Variants in NALCN observed in about 807,000 individuals in gnomAD.
NALCN encodes sodium leak channel NALCN.
NALCN carries 111 observed loss-of-function variants against 225.3 expected under a neutral mutation model. That is an observed-to-expected ratio of 0.49 (90% CI 0.42 to 0.58). NALCN has a LOEUF of 0.58. NALCN is among the 20% of genes least tolerant of loss of function. The pLI is 0.00. For synonymous variants in NALCN, 764 were observed against 769.0 expected (o/e 0.99, Z 0.11); for missense variants, 1,378 against 2,202.4 (o/e 0.63, Z 7.49).
chr13:101,131,915 G>A (rs940067097), intron 17 of NALCN, among the ~76,000 whole-genome samples: 5 of 152,118 alleles, frequency 3.3e-5, no homozygotes, highest in East Asian at 1.9e-4. Flanking sequence ...GAATTTTAAA[G>A]TAGATTTATC....
intron 34 of NALCN, among the ~76,000 whole-genome samples, chr13:101,080,400 T>C (rs2033547899): frequency 1.3e-5 from 2 of 151,940 alleles, no homozygotes; most frequent in Middle Eastern, 6.9e-3. Context: ...ATCTCAATAA[T>C]TTTATATTGC....
intron 17 of NALCN, among the ~76,000 whole-genome samples, chr13:101,139,119 T>C (rs1396271015): frequency 6.6e-6 from 1 of 152,208 alleles, no homozygotes. Context: ...CTGGTTGTTT[T>C]CTGGGAGAAG....
chr13:101,125,695 C>T (rs547541668), intron 17 of NALCN, among the ~76,000 whole-genome samples: 28 of 152,246 alleles, frequency 1.8e-4, no homozygotes, highest in African/African-American at 5.5e-4. Flanking sequence ...GAGCTCTCTG[C>T]GGTGGAACAG....
chr13:101,146,898 G>A (rs1264243027), intron 15 of NALCN, among the ~76,000 whole-genome samples: 1 of 152,040 alleles, frequency 6.6e-6, no homozygotes, highest in Non-Finnish European at 1.5e-5. Context: ...GGAACAGAGT[G>A]CTCGGAAACA....
rs1010710353 is a variant in NALCN at position 101,083,273 on chromosome 13, A to G, written c.3584-75T>C. 1.0e-5 allele frequency: 13 copies of G among 1,243,776 alleles called. No individual in the cohort carries two copies. In the African/African-American group the frequency reaches 1.8e-4, roughly 17 times the overall value. The allele number at this position is 1,243,776 out of a possible 1,614,324, so 77.0% of individuals were successfully genotyped here. The stretch of plus-strand genomic sequence containing the variant: ...ACTTTCTTGTCGTTTATTTTCTTAA[A>G]TGCTTATCTTAAAACCCATTACATT... On this transcript the variant is annotated intron_variant, in intron 31 of 43. Transcript: ENST00000251127.
At chr13:101,168,652 A>T (rs1033920554) in intron 15 of NALCN, among the ~76,000 whole-genome samples, 3 of 152,144 alleles carry the variant, frequency 2.0e-5, no homozygotes, top group Non-Finnish European at 4.4e-5. Flanking sequence ...GGATTCTTCC[A>T]TCTCCAGTCT....
intron 7 of NALCN, among the ~76,000 whole-genome samples, chr13:101,323,758 A>G (rs1463739154): frequency 6.6e-6 from 1 of 152,242 alleles, no homozygotes; most frequent in African/African-American, 2.4e-5. Flanking sequence ...TGCATTCAGG[A>G]TAAGACAGGG....
chr13:101,382,773 A>T (rs911831985), intron 3 of NALCN, among the ~76,000 whole-genome samples: 2 of 152,198 alleles, frequency 1.3e-5, no homozygotes, highest in African/African-American at 4.8e-5. Context: ...TTTCTTTTCC[A>T]TAGGAAGTAA....
intron 43 of NALCN, chr13:101,056,952 G>A (rs2031339814): frequency 6.6e-6 from 1 of 152,144 alleles, no homozygotes; most frequent in Non-Finnish European, 1.5e-5. Flanking sequence ...TGAATCAGGA[G>A]GAACCTAGAT....
Position 101,366,110 on chromosome 13 carries a change from A to G in NALCN, c.644+10590T>C, listed in dbSNP as rs190877093. Among the ~76,000 whole-genome samples the G allele has an allele frequency of 1.6e-4, 25 of 152,222 alleles. No homozygotes were observed. The East Asian group carries it at 4.4e-3, about 27-fold the overall frequency. The stretch of plus-strand genomic sequence containing the variant: ...GCCATCACAGTTGGTATTTCACAAC[A>G]CCTGTTTCTGCTACAAGCCATTGCT... On this transcript the variant is annotated intron_variant, in intron 6 of 43. Transcript: ENST00000251127.
intron 12 of NALCN, 37 bp downstream of exon 12, chr13:101,237,718 T>A: frequency 2.1e-6 from 3 of 1,429,334 alleles, no homozygotes; most frequent in Non-Finnish European, 2.8e-6. Context: ...TGGAAATAAA[T>A]AAATTTCTAA....
chr13:101,123,481 G>A (rs2139695037), intron 18 of NALCN, among the ~76,000 whole-genome samples: 1 of 152,304 alleles, frequency 6.6e-6, no homozygotes, highest in Middle Eastern at 3.4e-3. Flanking sequence ...ATACCAGGAT[G>A]GAGTTACCAG....
At chr13:101,090,519 C>G (rs2034176510) in intron 28 of NALCN, among the ~76,000 whole-genome samples, 1 of 152,124 alleles carries the variant, frequency 6.6e-6, no homozygotes, top group African/African-American at 2.4e-5. Context: ...AGTAGTGATG[C>G]ATTTAGAGGT....
At chr13:101,306,654 C>T (rs2044162176) in intron 7 of NALCN, among the ~76,000 whole-genome samples, 1 of 152,222 alleles carries the variant, frequency 6.6e-6, no homozygotes, top group African/African-American at 2.4e-5. Flanking sequence ...AATATCATCA[C>T]ATTCATTAAA....
intron 13 of NALCN, among the ~76,000 whole-genome samples, chr13:101,213,333 C>G (rs1365440911): frequency 1.3e-5 from 2 of 152,108 alleles, no homozygotes; most frequent in Non-Finnish European, 1.5e-5. Context: ...AGACCTAAAA[C>G]CATAAAAACC....
Position 101,242,939 on chromosome 13 carries a change from T to G in NALCN, c.1267-5017A>C, listed in dbSNP as rs2041796469. 9.5e-5 allele frequency among the ~76,000 whole-genome samples: 10 copies of G among 105,296 alleles called. 3 individuals carry two copies. The highest frequency in any genetic ancestry group is 9.0e-4 in the Admixed American group (10 of 11,168). The allele number at this position is 105,296 out of a possible 152,430, so 69.1% of individuals were successfully genotyped here. On this transcript the variant is annotated intron_variant, in intron 11 of 43. Coordinates refer to ENST00000251127, the MANE Select transcript of NALCN (RefSeq NM_052867.4). ...CATCCATTGCACAATACATTTATTT[T>G]ACTTTTTCAGGTTTAGGTTCAGCCT...
intron 10 of NALCN, among the ~76,000 whole-genome samples, chr13:101,260,790 A>G (rs1412187482): frequency 3.3e-5 from 5 of 152,128 alleles, no homozygotes; most frequent in South Asian, 2.1e-4. Flanking sequence ...TCAGAGGGGT[A>G]GTTTGCAAAT....
At chr13:101,263,867 G>A (rs566867613) in intron 10 of NALCN, among the ~76,000 whole-genome samples, 9 of 152,334 alleles carry the variant, frequency 5.9e-5, no homozygotes, top group African/African-American at 2.2e-4. Flanking sequence ...GTTAGAGCTA[G>A]TGGCATGGCC....
At chr13:101,222,624 T>C (rs915082400) in intron 13 of NALCN, among the ~76,000 whole-genome samples, 2 of 152,182 alleles carry the variant, frequency 1.3e-5, no homozygotes, top group Non-Finnish European at 2.9e-5. Flanking sequence ...AGAAGAGTGA[T>C]AGAGGCTGCC....
Sources: allele counts gnomAD v4.1 joint callset (sites outside exome capture counted in the v4.1 genomes callset), GRCh38; gene constraint gnomAD v4.1.1; transcripts MANE v1.5; gene names NCBI Gene and HGNC (gene_info 2026-07-23, HGNC 2026-07-21).